SPMIP4: variants seen among roughly 807,000 people sequenced by gnomAD.
SPMIP4 encodes sperm-associated microtubule inner protein 4.
the SPMIP4 span, among the ~76,000 whole-genome samples, chr7:25,177,972 C>T: frequency 6.6e-6 from 1 of 152,206 alleles, no homozygotes; most frequent in African/African-American, 2.4e-5. Flanking sequence ...TCTCCACCCT[C>T]AAGTAGGCCT....
At chr7:25,143,364 T>C in the SPMIP4 span, among the ~76,000 whole-genome samples, 6 of 152,232 alleles carry the variant, frequency 3.9e-5, no homozygotes, top group Admixed American at 2.6e-4. Flanking sequence ...TGCAGTCTTT[T>C]TGATTACTTA....
the SPMIP4 span, chr7:25,155,152 T>G: frequency 2.5e-6 from 4 of 1,608,060 alleles, no homozygotes; most frequent in Non-Finnish European, 3.4e-6. Context: ...CAGATGTGTG[T>G]GTGGTAGGGG....
the SPMIP4 span, among the ~76,000 whole-genome samples, chr7:25,177,427 A>T: frequency 1.3e-5 from 2 of 152,190 alleles, no homozygotes; most frequent in African/African-American, 2.4e-5. Flanking sequence ...AGGTTGCAGT[A>T]AGCCGAGATT....
the SPMIP4 span, among the ~76,000 whole-genome samples, chr7:25,170,002 A>G: frequency 6.6e-6 from 1 of 152,304 alleles, no homozygotes; most frequent in South Asian, 2.1e-4. Context: ...TAATACTGCT[A>G]TGAATATTCA....
chr7:25,129,519 G>A, the SPMIP4 span, among the ~76,000 whole-genome samples: 2 of 152,214 alleles, frequency 1.3e-5, no homozygotes, highest in African/African-American at 4.8e-5. Flanking sequence ...GGAAGGGGTG[G>A]TGTAGGCAAT....
the SPMIP4 span, among the ~76,000 whole-genome samples, chr7:25,134,120 C>T: frequency 6.6e-6 from 1 of 151,886 alleles, no homozygotes; most frequent in Non-Finnish European, 1.5e-5. Context: ...CTTAGCCGGG[C>T]GTGGTGGCAG....
At chr7:25,155,014 T>C in the SPMIP4 span, 6 of 1,611,914 alleles carry the variant, frequency 3.7e-6, no homozygotes, top group Non-Finnish European at 4.2e-6. Context: ...ATTTTACCTC[T>C]TGTCTTCAAA....
the SPMIP4 span, chr7:25,179,606 C>T: frequency 3.7e-6 from 1 of 267,510 alleles, no homozygotes; most frequent in African/African-American, 2.2e-5. Flanking sequence ...TTGTGGCCAT[C>T]AACTGACATT....
chr7:25,178,793 C>G, the SPMIP4 span, among the ~76,000 whole-genome samples: 1 of 152,144 alleles, frequency 6.6e-6, no homozygotes, highest in African/African-American at 2.4e-5. Context: ...AATCCCAGCA[C>G]TTTGGGAGGC....
chr7:25,176,340 T>C, the SPMIP4 span, among the ~76,000 whole-genome samples: 1 of 152,214 alleles, frequency 6.6e-6, no homozygotes, highest in Non-Finnish European at 1.5e-5. The surrounding 1 kb of genome is among the most constrained non-coding windows in gnomAD (Gnocchi z 4.4). Context: ...ATTGCTGTTT[T>C]TGAGCCAGGG....
the SPMIP4 span, among the ~76,000 whole-genome samples, chr7:25,149,970 G>A: frequency 7.2e-5 from 11 of 152,318 alleles, no homozygotes; most frequent in South Asian, 1.7e-3. Flanking sequence ...CTACATAACA[G>A]AAACAAAGAG....
At chr7:25,145,494 T>C in the SPMIP4 span, among the ~76,000 whole-genome samples, 1 of 152,178 alleles carries the variant, frequency 6.6e-6, no homozygotes, top group African/African-American at 2.4e-5. Flanking sequence ...GATGTTACTC[T>C]GAGAGGATAG....
the SPMIP4 span, among the ~76,000 whole-genome samples, chr7:25,152,636 C>A: frequency 5.3e-5 from 8 of 152,162 alleles, no homozygotes; most frequent in Admixed American, 5.2e-4. Context: ...AGAGTCTGCA[C>A]TCTTAACTTC....
chr7:25,139,812 T>C, the SPMIP4 span, among the ~76,000 whole-genome samples: 2 of 152,252 alleles, frequency 1.3e-5, no homozygotes, highest in African/African-American at 4.8e-5. Flanking sequence ...TATTTTACAC[T>C]ACTACAATAA....
At chr7:25,179,533 T>C in the SPMIP4 span, 1 of 394,824 alleles carries the variant, frequency 2.5e-6, no homozygotes, top group Non-Finnish European at 4.5e-6. Flanking sequence ...ATCCACAAAG[T>C]GGACGGTGCC....
the SPMIP4 span, among the ~76,000 whole-genome samples, chr7:25,162,153 C>G: frequency 6.6e-6 from 1 of 151,556 alleles, no homozygotes; most frequent in African/African-American, 2.4e-5. Flanking sequence ...CACCTGTAAT[C>G]CCAGCTACTC....
chr7:25,175,926 G>A, the SPMIP4 span, among the ~76,000 whole-genome samples: 3 of 152,106 alleles, frequency 2.0e-5, no homozygotes, highest in Non-Finnish European at 4.4e-5. Context: ...TTTTAAGAGG[G>A]GGTTAAGAGG....
the SPMIP4 span, chr7:25,142,216 C>G: frequency 6.4e-7 from 1 of 1,558,234 alleles, no homozygotes; most frequent in Non-Finnish European, 8.8e-7. Flanking sequence ...CCCAAAATAA[C>G]TGAGAGTTGA....
At chr7:25,148,534 G>C in the SPMIP4 span, among the ~76,000 whole-genome samples, 1 of 147,958 alleles carries the variant, frequency 6.8e-6, no homozygotes, top group African/African-American at 2.5e-5. Flanking sequence ...GAGTGCAGTG[G>C]TGCCACCTCG....
Sources: gnomAD v4.1 joint callset for allele counts (sites outside exome capture counted in the v4.1 genomes callset) on GRCh38, gnomAD v4.1.1 for gene constraint, Gnocchi (gnomAD v3.1) non-coding constraint, MANE v1.5 for transcripts, NCBI Gene and HGNC (gene_info 2026-07-23, HGNC 2026-07-21) for gene names.